MED12L: variants seen among roughly 807,000 people sequenced by gnomAD.
MED12L encodes mediator of RNA polymerase II transcription subunit 12-like protein.
A neutral mutation model predicts 281.3 loss-of-function variants in MED12L; 60 were observed. The observed-to-expected ratio is 0.21, with a 90% CI of 0.17 to 0.26. MED12L has a LOEUF of 0.26. Ranked by LOEUF, MED12L falls within the 10% of genes least tolerant of loss-of-function variation. The pLI is 1.00. For missense variants in MED12L, 2,146 were observed against 2,680.9 expected (o/e 0.80, Z 4.41); for synonymous variants, 974 against 987.2 (o/e 0.99, Z 0.25).
At chr3:151,161,983 T>C (rs1179482503) in intron 8 of MED12L, among the ~76,000 whole-genome samples, 1 of 151,828 alleles carries the variant, frequency 6.6e-6, no homozygotes, top group Non-Finnish European at 1.5e-5. Context: ...TGTCGAGGAG[T>C]GATGGAGAAT....
At chr3:151,113,525 G>A (rs920181181) in intron 2 of MED12L, among the ~76,000 whole-genome samples, 2 of 152,212 alleles carry the variant, frequency 1.3e-5, no homozygotes, top group Non-Finnish European at 2.9e-5. Context: ...GTGGCCTTCA[G>A]GGGGCAAGGG....
At chr3:151,346,620 C>G (rs1263406447) in intron 16 of MED12L, among the ~76,000 whole-genome samples, 2 of 152,148 alleles carry the variant, frequency 1.3e-5, no homozygotes, top group Non-Finnish European at 2.9e-5. Context: ...TATCCCCTCC[C>G]CTGACTTGTG....
chr3:151,235,891 G>A (rs754058117), intron 16 of MED12L, among the ~76,000 whole-genome samples: 18 of 151,874 alleles, frequency 1.2e-4, no homozygotes, highest in African/African-American at 3.9e-4. Flanking sequence ...CCCCTATGTC[G>A]CATTCTCTAG....
intron 38 of MED12L, among the ~76,000 whole-genome samples, chr3:151,390,927 T>C (rs1714140575): frequency 6.6e-6 from 1 of 152,174 alleles, no homozygotes; most frequent in Non-Finnish European, 1.5e-5. Context: ...TAGTTAAGCG[T>C]TTTAGATTCA....
chr3:151,102,210 A>G (rs1721474446), intron 2 of MED12L, among the ~76,000 whole-genome samples: 1 of 152,088 alleles, frequency 6.6e-6, no homozygotes. Flanking sequence ...ATCTCCCTTT[A>G]ACGCCTGTTA....
intron 30 of MED12L, among the ~76,000 whole-genome samples, chr3:151,377,471 C>T (rs1711500996): frequency 6.6e-6 from 1 of 152,134 alleles, no homozygotes; most frequent in South Asian, 2.1e-4. Context: ...ATGGGAAACG[C>T]TTTTTCCACC....
intron 16 of MED12L, among the ~76,000 whole-genome samples, chr3:151,283,691 T>C (rs1199496660): frequency 6.6e-6 from 1 of 152,344 alleles, no homozygotes; most frequent in East Asian, 1.9e-4. Flanking sequence ...TATTTGTTAA[T>C]TGAATATCTG....
Position 151,214,144 on chromosome 3 carries a change from A to G in MED12L, c.2250+20478A>G, listed in dbSNP as rs748246246. ...AGCAATAACAATGTTCTTGAGATAG[A>G]TGATGAAACTCTTAGAGCTGGGCAC... On this transcript the variant is annotated intron_variant, in intron 16 of 44. Transcript: ENST00000687756. The G allele has an allele frequency of 3.7e-6, 6 of 1,614,022 alleles. No homozygotes were observed. The African/African-American group carries it at 8.0e-5, about 22-fold the overall frequency.
At chr3:151,400,371 T>C (rs1237785165) in intron 39 of MED12L, among the ~76,000 whole-genome samples, 1 of 152,150 alleles carries the variant, frequency 6.6e-6, no homozygotes, top group Non-Finnish European at 1.5e-5. Flanking sequence ...TTCAGACAAA[T>C]TGGTTAAAAA....
intron 23 of MED12L, among the ~76,000 whole-genome samples, chr3:151,367,064 A>G (rs1162416369): frequency 2.0e-5 from 3 of 152,188 alleles, no homozygotes. Context: ...AGGTCACGTG[A>G]GATCTAGAAA....
chr3:151,338,816 C>A (rs369115073), intron 16 of MED12L: 2 of 1,613,702 alleles, frequency 1.2e-6, no homozygotes. Context: ...TGTTACCAGG[C>A]GCAGAGGTGA....
rs991267705 is a variant in MED12L, at chr3:151,225,442, A to G, written c.2250+31776A>G. On this transcript the variant is annotated intron_variant, in intron 16 of 44. Coordinates refer to ENST00000687756, the MANE Select transcript of MED12L (RefSeq NM_001393769.1). ...CATCATGGTGGAAGGGCAAGTGAGCATGTGAGACCAAGAGAAAAAGAGGGC... is the reference window on the plus strand; with the variant it reads ...CATCATGGTGGAAGGGCAAGTGAGCGTGTGAGACCAAGAGAAAAAGAGGGC... 1.5e-4 allele frequency among the ~76,000 whole-genome samples: 23 copies of G among 152,218 alleles called. 1 individual carries two copies. The highest frequency in any genetic ancestry group is 2.6e-4 in the Admixed American group (4 of 15,282).
intron 16 of MED12L, among the ~76,000 whole-genome samples, chr3:151,221,836 C>G (rs919165199): frequency 6.6e-6 from 1 of 152,154 alleles, no homozygotes; most frequent in Non-Finnish European, 1.5e-5. Context: ...ACTGGGGCAC[C>G]ATCTAATGGA....
chr3:151,294,445 T>C (rs1055230321), intron 16 of MED12L: 5 of 1,614,106 alleles, frequency 3.1e-6, no homozygotes, highest in African/African-American at 2.7e-5. Flanking sequence ...ACAAGTGATA[T>C]GGTAGAAAGC....
chr3:151,369,413 T>C (rs1227596880), intron 25 of MED12L, 23 bp from the exon 26 acceptor site: 1 of 1,492,146 alleles, frequency 6.7e-7, no homozygotes, highest in Non-Finnish European at 9.3e-7. Flanking sequence ...AATGAGACTA[T>C]TAAAGATTTG....
At chr3:151,283,920 C>T (rs1289058043) in intron 16 of MED12L, among the ~76,000 whole-genome samples, 2 of 152,174 alleles carry the variant, frequency 1.3e-5, no homozygotes, top group Non-Finnish European at 2.9e-5. Context: ...AATGATTCAA[C>T]TTAGGACAGG....
chr3:151,178,992 G>C (rs949609276), intron 11 of MED12L, among the ~76,000 whole-genome samples: 1 of 152,110 alleles, frequency 6.6e-6, no homozygotes, highest in Admixed American at 6.6e-5. Context: ...TCAGTCCTAT[G>C]ACTTTAGTCC....
At chr3:151,244,973 A>G (rs909739888) in intron 16 of MED12L, among the ~76,000 whole-genome samples, 14 of 151,538 alleles carry the variant, frequency 9.2e-5, no homozygotes, top group Non-Finnish European at 2.1e-4. Flanking sequence ...AACTACCATC[A>G]GATAATACTA....
intron 16 of MED12L, among the ~76,000 whole-genome samples, chr3:151,234,214 C>G (rs1407431187): frequency 6.6e-6 from 1 of 152,166 alleles, no homozygotes; most frequent in African/African-American, 2.4e-5. Flanking sequence ...GTAAAAAACC[C>G]ATTATTTGCC....
Sources: gnomAD v4.1 joint callset for allele counts (sites outside exome capture counted in the v4.1 genomes callset) on GRCh38, gnomAD v4.1.1 for gene constraint, MANE v1.5 for transcripts, NCBI Gene and HGNC (gene_info 2026-07-23, HGNC 2026-07-21) for gene names.